The following TSHZ2 variants were observed in gnomAD, a reference collection of about 807,000 sequenced individuals.
TSHZ2 encodes the protein teashirt zinc finger homeobox 2.
TSHZ2 carries 21 observed loss-of-function variants against 74.4 expected under a neutral mutation model. That is an observed-to-expected ratio of 0.28 (90% confidence interval 0.20 to 0.41). The LOEUF (loss-of-function observed/expected upper bound fraction) is 0.41. Ranked by LOEUF, TSHZ2 falls within the 10% of genes least tolerant of loss-of-function variation. The pLI, the probability that TSHZ2 is intolerant of heterozygous loss-of-function variation, is 1.00. For synonymous variants in TSHZ2, 540 were observed against 515.3 expected (o/e 1.05, Z -0.65); for missense variants, 1,244 against 1,293.5 (o/e 0.96, Z 0.59).
chr20:53,213,049 CAG>C (rs774403530), intron 1 of TSHZ2, among the ~76,000 whole-genome samples: 3 of 152,134 alleles, frequency 2.0e-5, no homozygotes, highest in Non-Finnish European at 2.9e-5. Context: ...GCAATGGACA[CAG>C]GGGAAAGAAA....
chr20:53,185,634 A>T, intron 1 of TSHZ2: 1 of 1,535,952 alleles, frequency 6.5e-7, no homozygotes, highest in South Asian at 1.2e-5. Context: ...AAAGAAAAAA[A>T]AGAAAGAAAA....
At chr20:53,019,885 C>T (rs993382335) in intron 1 of TSHZ2, among the ~76,000 whole-genome samples, 31 of 152,118 alleles carry the variant, frequency 2.0e-4, no homozygotes, top group African/African-American at 6.5e-4. Context: ...TTTCACACTG[C>T]TATAAAGATA....
At chr20:53,357,244 T>C (rs1980879885) in intron 2 of TSHZ2, among the ~76,000 whole-genome samples, 2 of 152,226 alleles carry the variant, frequency 1.3e-5, no homozygotes, top group Non-Finnish European at 2.9e-5. Context: ...AATAAATTCA[T>C]GTCACGTGTT....
intron 1 of TSHZ2, among the ~76,000 whole-genome samples, chr20:53,076,889 A>G (rs1169877849): frequency 6.6e-6 from 1 of 152,238 alleles, no homozygotes; most frequent in Admixed American, 6.5e-5. Context: ...ATGGGAAGTC[A>G]TTAAAGAAAG....
At chr20:53,407,876 T>G (rs1221366419) in intron 2 of TSHZ2, among the ~76,000 whole-genome samples, 1 of 152,246 alleles carries the variant, frequency 6.6e-6, no homozygotes, top group South Asian at 2.1e-4. Context: ...CACTGAAATC[T>G]GGCTTTCATG....
intron 2 of TSHZ2, among the ~76,000 whole-genome samples, chr20:53,446,380 G>A (rs1346782315): frequency 1.4e-5 from 2 of 146,592 alleles, no homozygotes; most frequent in Non-Finnish European, 3.0e-5. Context: ...TGGCTAACAC[G>A]GTGAAACCCC....
At chr20:53,340,173 C>CTTTCTTT (rs1447556083) in intron 2 of TSHZ2, among the ~76,000 whole-genome samples, 1 of 62,122 alleles carries the variant, frequency 1.6e-5, no homozygotes, top group Non-Finnish European at 3.2e-5. Flanking sequence ...GGTGACTTTT[C>CTTTCTTT]TTTCTTTTTT....
intron 2 of TSHZ2, among the ~76,000 whole-genome samples, chr20:53,325,873 C>T (rs968490463): frequency 1.3e-5 from 2 of 152,136 alleles, no homozygotes; most frequent in African/African-American, 4.8e-5. Flanking sequence ...ACTCCGCCTC[C>T]CAGGTTCAAG....
intron 1 of TSHZ2, among the ~76,000 whole-genome samples, chr20:53,015,533 T>C (rs1002930736): frequency 6.6e-6 from 1 of 152,166 alleles, no homozygotes; most frequent in Non-Finnish European, 1.5e-5. Context: ...ATTTGCACAA[T>C]GAGGATGGGG....
intron 1 of TSHZ2, among the ~76,000 whole-genome samples, chr20:53,131,830 C>G (rs899604460): frequency 8.7e-6 from 1 of 115,288 alleles, no homozygotes; most frequent in African/African-American, 3.5e-5. Flanking sequence ...CCCCCCCCCC[C>G]CCCCAAAAAA....
At chr20:53,347,623 C>T (rs1378037379) in intron 2 of TSHZ2, among the ~76,000 whole-genome samples, 1 of 114,414 alleles carries the variant, frequency 8.7e-6, no homozygotes, top group Admixed American at 8.0e-5. Context: ...AGATGTTGTC[C>T]ATCTTTTTTA....
chr20:53,014,040 C>A (rs1982945689), intron 1 of TSHZ2, among the ~76,000 whole-genome samples: 1 of 152,124 alleles, frequency 6.6e-6, no homozygotes, highest in South Asian at 2.1e-4. Context: ...GCTGCTGTAA[C>A]AAAATACCAT....
intron 1 of TSHZ2, among the ~76,000 whole-genome samples, chr20:53,016,370 A>T (rs1191805843): frequency 6.6e-6 from 1 of 152,224 alleles, no homozygotes; most frequent in African/African-American, 2.4e-5. Flanking sequence ...TAGGTTCACC[A>T]TGAGCTGGTG....
At chr20:53,208,253 T>G (rs1277507679) in intron 1 of TSHZ2, among the ~76,000 whole-genome samples, 1 of 152,200 alleles carries the variant, frequency 6.6e-6, no homozygotes, top group Non-Finnish European at 1.5e-5. Context: ...GTCTTTTCTC[T>G]TCACAAACCC....
At chr20:52,997,910 T>C (rs1982266965) in intron 1 of TSHZ2, among the ~76,000 whole-genome samples, 1 of 152,230 alleles carries the variant, frequency 6.6e-6, no homozygotes. Context: ...ACTCAAAGTA[T>C]GGCCTGCAGG....
intron 2 of TSHZ2, chr20:53,413,046 T>G (rs551875721): frequency 6.6e-6 from 1 of 152,350 alleles, no homozygotes; most frequent in East Asian, 1.9e-4. Flanking sequence ...GGATTCCTGA[T>G]CCCAGGAACC....
chr20:53,015,024 G>T (rs1982984799), intron 1 of TSHZ2, among the ~76,000 whole-genome samples: 1 of 152,038 alleles, frequency 6.6e-6, no homozygotes, highest in Admixed American at 6.6e-5. Context: ...CCATTCCCTT[G>T]TTGCCCCACA....
At chr20:53,035,059 A>G (rs1983769551) in intron 1 of TSHZ2, among the ~76,000 whole-genome samples, 1 of 152,188 alleles carries the variant, frequency 6.6e-6, no homozygotes, top group Admixed American at 6.5e-5. Flanking sequence ...TGAGGGAGGC[A>G]TGAACGACTT....
chr20:53,010,989 T>C (rs1982829711), intron 1 of TSHZ2, among the ~76,000 whole-genome samples: 1 of 152,172 alleles, frequency 6.6e-6, no homozygotes, highest in Non-Finnish European at 1.5e-5. Context: ...TATAACTTAA[T>C]TAAATCTGGC....
Sources: allele counts gnomAD v4.1 joint callset (sites outside exome capture counted in the v4.1 genomes callset), GRCh38; gene constraint gnomAD v4.1.1; transcripts MANE v1.5; gene names NCBI Gene and HGNC (gene_info 2026-07-23, HGNC 2026-07-21).